Variants in NELL1 observed in about 807,000 individuals in gnomAD.
NELL1 encodes protein kinase C-binding protein NELL1.
In NELL1, 76 loss-of-function variants were observed where a neutral mutation model predicts 107.4. The ratio of observed to expected loss-of-function variants is 0.71; its 90% CI spans 0.59 to 0.86. The LOEUF (loss-of-function observed/expected upper bound fraction) is 0.86. Ranked by LOEUF, NELL1 falls within the 40% of genes least tolerant of loss-of-function variation. NELL1 has a pLI of 0.00. For missense variants in NELL1, 1,024 were observed against 1,005.5 expected (o/e 1.02, Z -0.25); for synonymous variants, 353 against 341.2 (o/e 1.03, Z -0.38).
rs769582450 is a variant in NELL1 at position 21,575,070 on chromosome 11, C to G, written c.*48C>G. On this transcript the variant is annotated 3_prime_UTR_variant, in exon 20 of 20. Transcript: ENST00000357134. Reference sequence around the variant, plus strand: ...CAGAAGAATGGACGAAATGACCATCCAACGTGATTAAGGATAGGAATCGGT... The same window carrying G: ...CAGAAGAATGGACGAAATGACCATCGAACGTGATTAAGGATAGGAATCGGT... 7.1e-5 allele frequency: 104 copies of G among 1,467,254 alleles called. No homozygotes were observed. Among genetic ancestry groups the G allele is most frequent in the Non-Finnish European group, 7.8e-5 (82 of 1,048,052 alleles). The allele number at this position is 1,467,254 out of a possible 1,614,324, so 90.9% of individuals were successfully genotyped here.
At position 20,755,865 on chromosome 11, in the gene NELL1, GTTTTTTTTTT is replaced by G. The variant is rs574606148; in HGVS notation, c.185-27781_185-27772del. Among the ~76,000 whole-genome samples, 741 of 121,968 alleles carry G rather than the reference GTTTTTTTTTT, an allele frequency of 6.1e-3. 10 individuals are homozygous for G. Among genetic ancestry groups the G allele is most frequent in the African/African-American group, 0.021 (639 of 30,268 alleles). The allele number at this position is 121,968 out of a possible 152,430, so 80.0% of individuals were successfully genotyped here. A position where few individuals can be genotyped will look rare whatever the true frequency, so the allele number is the denominator to read the frequency against. On this transcript the variant is annotated intron_variant, in intron 2 of 19. Coordinates refer to ENST00000357134, the MANE Select transcript of NELL1 (RefSeq NM_006157.5). ...GCCACCACGCCCAGCCAGACCTGCG[GTTTTTTTTTT>G]TTTTTTTTTTTTTTTTTTTTTTTTT... is the stretch of plus-strand genomic sequence containing the variant.
chr11:21,326,893 G>A (rs1387715233), intron 14 of NELL1, among the ~76,000 whole-genome samples: 1 of 151,838 alleles, frequency 6.6e-6, no homozygotes. Flanking sequence ...AGTTGGATTG[G>A]ATTTATGCCT....
intron 3 of NELL1, among the ~76,000 whole-genome samples, chr11:20,795,118 C>T (rs1162205854): frequency 6.6e-6 from 1 of 152,208 alleles, no homozygotes; most frequent in Non-Finnish European, 1.5e-5. Context: ...GCAGACATCT[C>T]TCTCACCTGG....
rs35632941 is a variant in NELL1 at position 21,282,478 on chromosome 11, C to CAA, written c.1549+53043_1549+53044dup. ...GGGGCAACACAGTGAGACTCTGTCTCAAAAAAAAAAAAAAAAAAAAGGCTT... is the reference window on the plus strand; with the variant it reads ...GGGGCAACACAGTGAGACTCTGTCTCAAAAAAAAAAAAAAAAAAAAAAGGCTT... On this transcript the variant is annotated intron_variant, in intron 14 of 19. Coordinates refer to ENST00000357134, the MANE Select transcript of NELL1 (RefSeq NM_006157.5). Among the ~76,000 whole-genome samples the CAA allele has an allele frequency of 1.4e-3, 103 of 74,262 alleles. 1 individual carries two copies. Among genetic ancestry groups the CAA allele is most frequent in the African/African-American group, 4.5e-3 (78 of 17,464 alleles). The allele number at this position is 74,262 out of a possible 152,430, so 48.7% of individuals were successfully genotyped here.
At chr11:20,725,821 C>A (rs2133915208) in intron 2 of NELL1, among the ~76,000 whole-genome samples, 1 of 152,158 alleles carries the variant, frequency 6.6e-6, no homozygotes, top group Non-Finnish European at 1.5e-5. Flanking sequence ...TTGTGTGATG[C>A]TGAGGTTTGA....
intron 2 of NELL1, among the ~76,000 whole-genome samples, chr11:20,737,746 T>C (rs1208398273): frequency 1.3e-5 from 2 of 151,884 alleles, no homozygotes; most frequent in African/African-American, 4.8e-5. Flanking sequence ...GGTTACAGTC[T>C]CTACTATTAA....
At chr11:21,486,516 A>G (rs1564918713) in intron 15 of NELL1, among the ~76,000 whole-genome samples, 1 of 152,114 alleles carries the variant, frequency 6.6e-6, no homozygotes, top group Non-Finnish European at 1.5e-5. Context: ...AATAGAAGTG[A>G]CTGTTATACA....
chr11:20,750,153 CTT>C (rs1266399801), intron 2 of NELL1, among the ~76,000 whole-genome samples: 3 of 152,098 alleles, frequency 2.0e-5, no homozygotes, highest in African/African-American at 7.2e-5. Flanking sequence ...AGTATTATCT[CTT>C]TGTGGTTTAA....
At chr11:21,281,617 G>T (rs1848996457) in intron 14 of NELL1, among the ~76,000 whole-genome samples, 1 of 152,088 alleles carries the variant, frequency 6.6e-6, no homozygotes, top group Admixed American at 6.5e-5. Context: ...TGCTTTGATG[G>T]CTTAAGGACT....
intron 14 of NELL1, among the ~76,000 whole-genome samples, chr11:21,256,888 G>A (rs1050053747): frequency 6.6e-6 from 1 of 152,052 alleles, no homozygotes; most frequent in Non-Finnish European, 1.5e-5. Flanking sequence ...AAGACATCCA[G>A]TGTTGGGTAC....
chr11:20,997,573 A>G (rs1034256536), intron 12 of NELL1, among the ~76,000 whole-genome samples: 8 of 152,240 alleles, frequency 5.3e-5, no homozygotes, highest in Admixed American at 1.3e-4. Context: ...CAAACTCACC[A>G]TGGTATATAA....
At chr11:21,064,493 AGG>A (rs951462612) in intron 12 of NELL1, among the ~76,000 whole-genome samples, 1 of 152,134 alleles carries the variant, frequency 6.6e-6, no homozygotes, top group African/African-American at 2.4e-5. Flanking sequence ...TTGAAAACTG[AGG>A]GGTTGAGTAG....
chr11:21,110,157 T>C (rs1254551788), intron 12 of NELL1, among the ~76,000 whole-genome samples: 1 of 152,174 alleles, frequency 6.6e-6, no homozygotes, highest in African/African-American at 2.4e-5. Flanking sequence ...ATTTTAATTT[T>C]CTGGTACATT....
intron 12 of NELL1, among the ~76,000 whole-genome samples, chr11:21,072,355 C>G (rs1399730936): frequency 1.3e-5 from 2 of 152,158 alleles, no homozygotes; most frequent in Admixed American, 6.6e-5. Flanking sequence ...AAGCTACACA[C>G]CACACAGTTC....
chr11:21,382,038 G>A (rs1214944451), intron 15 of NELL1, among the ~76,000 whole-genome samples: 1 of 149,786 alleles, frequency 6.7e-6, no homozygotes, highest in Non-Finnish European at 1.5e-5. Context: ...AGGAAGAGTT[G>A]AGATCTCATT....
At chr11:20,850,813 C>T (rs1398502823) in intron 4 of NELL1, among the ~76,000 whole-genome samples, 1 of 152,092 alleles carries the variant, frequency 6.6e-6, no homozygotes, top group Non-Finnish European at 1.5e-5. Context: ...TTTATTGAGC[C>T]TCTACTATAG....
chr11:21,194,853 C>T (rs1466781430), intron 13 of NELL1, among the ~76,000 whole-genome samples: 1 of 152,034 alleles, frequency 6.6e-6, no homozygotes, highest in African/African-American at 2.4e-5. Context: ...AGCACAGACC[C>T]GAGTCTAGAA....
At chr11:21,274,795 G>A (rs1848818466) in intron 14 of NELL1, among the ~76,000 whole-genome samples, 1 of 152,172 alleles carries the variant, frequency 6.6e-6, no homozygotes, top group African/African-American at 2.4e-5. Context: ...GTTCCTGAAT[G>A]ACTACTGGGT....
chr11:21,057,351 T>C (rs1489572606), intron 12 of NELL1, among the ~76,000 whole-genome samples: 1 of 151,904 alleles, frequency 6.6e-6, no homozygotes, highest in Non-Finnish European at 1.5e-5. Flanking sequence ...CACTTTTCTT[T>C]TGGGAAGTGG....
Sources: allele counts gnomAD v4.1 joint callset (sites outside exome capture counted in the v4.1 genomes callset), GRCh38; gene constraint gnomAD v4.1.1; transcripts MANE v1.5; gene names NCBI Gene and HGNC (gene_info 2026-07-23, HGNC 2026-07-21).